KCTD4: variants seen among roughly 807,000 people sequenced by gnomAD.
The protein encoded by KCTD4 is potassium channel tetramerization domain containing 4.
KCTD4 carries 12 observed loss-of-function variants against 18.3 expected under a neutral mutation model. That is an observed-to-expected ratio of 0.66 (90% CI 0.42 to 1.06). The LOEUF is 1.06. Among genes scored for constraint, KCTD4 ranks in the 50% least tolerant of loss-of-function variants. The probability of loss-of-function intolerance (pLI) is 0.00; values close to 1 mark genes in which losing one functional copy is unlikely to be tolerated. For synonymous variants in KCTD4, 124 were observed against 110.5 expected (o/e 1.12, Z -0.76); for missense variants, 250 against 303.4 (o/e 0.82, Z 1.31).
At chr13:45,197,959 A>G (rs1872983255) in intron 1 of KCTD4, among the ~76,000 whole-genome samples, 1 of 152,244 alleles carries the variant, frequency 6.6e-6, no homozygotes, top group African/African-American at 2.4e-5. Flanking sequence ...TGAAGATTTT[A>G]TCTGCCTTTG....
chr13:45,194,307 C>A lies in KCTD4; in HGVS notation c.261G>T (p.Arg87Ser). The A allele has an allele frequency of 6.2e-7, 1 of 1,614,152 alleles. No individual in the cohort carries two copies. The highest frequency in any genetic ancestry group is 8.5e-7 in the Non-Finnish European group (1 of 1,180,014). ...CATTTCGTAGGAAGTTTAGGACATGCCTGAAGAGGAGACCATCCCTGTCTA... is the reference window on the plus strand; with the variant it reads ...CATTTCGTAGGAAGTTTAGGACATGACTGAAGAGGAGACCATCCCTGTCTA... ...YFIDRDGLLF[R>S]HVLNFLRNGE... Residue 87 changes from arginine to serine, a missense_variant, in exon 2 of 2, where the codon AGG (arginine) becomes AGT (serine). By Grantham distance (110) the Arg-to-Ser change is moderately radical. Coordinates refer to ENST00000379108, the MANE Select transcript of KCTD4 (RefSeq NM_198404.3).
At chr13:45,197,608 TAGG>T (rs1872968186) in intron 1 of KCTD4, among the ~76,000 whole-genome samples, 1 of 152,056 alleles carries the variant, frequency 6.6e-6, no homozygotes, top group Non-Finnish European at 1.5e-5. Context: ...ATGGAAATTA[TAGG>T]AGTTCATTGA....
In KCTD4 at chr13:45,194,107, C is replaced by T; in HGVS notation, c.461G>A (p.Gly154Glu). 6.2e-7 allele frequency: 1 copy of T among 1,614,048 alleles called. No individual in the cohort carries two copies. The highest frequency in any genetic ancestry group is 8.5e-7 in the Non-Finnish European group (1 of 1,179,964). ...EITDNHDRSQ[G>E]LRIFCNAPDF... ...AGGAGCATTACAGAAGATTCTTAAT[C>T]CTTGTGAACGATCGTGGTTATCTGT... The change falls in exon 2 of 2, where the codon GGA becomes GAA. Residue 154 changes from glycine (G) to glutamate (E), a missense_variant. Transcript: ENST00000379108.
intron 1 of KCTD4, among the ~76,000 whole-genome samples, chr13:45,199,749 T>C (rs963475700): frequency 1.3e-5 from 2 of 152,226 alleles, no homozygotes; most frequent in African/African-American, 4.8e-5. Context: ...GGCATAACTT[T>C]GAAAACTCTT....
Position 45,193,740 on chromosome 13 carries a change from G to A in KCTD4, c.*48C>T, listed in dbSNP as rs747563889. ...GATGTCTTTGATGCTGTGGTTTTCC[G>A]AAGCTTGCTGGCTGCATGCTTGTTG... is the stretch of plus-strand genomic sequence containing the variant. On this transcript the variant is annotated 3_prime_UTR_variant, in exon 2 of 2. Coordinates refer to ENST00000379108, the MANE Select transcript of KCTD4 (RefSeq NM_198404.3). 9 of 1,520,898 alleles carry A rather than the reference G, an allele frequency of 5.9e-6. No homozygotes were observed. The highest frequency in any genetic ancestry group is 2.3e-5 in the East Asian group (1 of 44,274). The allele number at this position is 1,520,898 out of a possible 1,614,324, so 94.2% of individuals were successfully genotyped here.
In KCTD4 at chr13:45,194,271, T is replaced by C; in HGVS notation, c.297A>G (p.Leu99=). ...GATTTTCTCGAAACCCTTCGGGCAA[T>C]AGAAGTTCTCCATTTCGTAGGAAGT... ...VLNFLRNGEL[L]LPEGFRENQL... Residue 99 remains leucine, a synonymous_variant, in exon 2 of 2, where the codon CTA becomes CTG. Transcript: ENST00000379108. The C allele has an allele frequency of 6.2e-7, 1 of 1,614,178 alleles. No homozygotes were observed. Among genetic ancestry groups the C allele is most frequent in the Non-Finnish European group, 8.5e-7 (1 of 1,180,014 alleles).
At chr13:45,195,795 T>C (rs543123065) in intron 1 of KCTD4, among the ~76,000 whole-genome samples, 1 of 152,324 alleles carries the variant, frequency 6.6e-6, no homozygotes, top group South Asian at 2.1e-4. Flanking sequence ...TCTGGGAAAC[T>C]ACATTGTTTT....
In KCTD4 at chr13:45,194,642, C is replaced by A; in HGVS notation, c.-75G>T. 1 of 1,309,392 alleles carries A rather than the reference C, an allele frequency of 7.6e-7. No homozygotes were observed. The highest frequency in any genetic ancestry group is 1.1e-6 in the Non-Finnish European group (1 of 937,422). The allele number at this position is 1,309,392 out of a possible 1,614,324, so 81.1% of individuals were successfully genotyped here. ...AAAAAGAGACACTACCACACAAGCACGCCTTTATTCAGCCCCAGCCTGGTG... is the reference window on the plus strand; with the variant it reads ...AAAAAGAGACACTACCACACAAGCAAGCCTTTATTCAGCCCCAGCCTGGTG... On this transcript the variant is annotated 5_prime_UTR_variant, in exon 2 of 2. Transcript: ENST00000379108.
rs1236699840 is a variant in KCTD4, at chr13:45,193,792, T to A, written c.776A>T (p.Lys259Met). The change falls in exon 2 of 2, where the codon AAG becomes ATG. Residue 259 changes from lysine to methionine, a missense_variant. Transcript: ENST00000379108. ...CTTTGTTCGTGACACAGGTAATTAC[T>A]TGATAAAATGAAGTGCATCGCTGTG... ...IVHSDALHFIK is the reference protein window; with the variant it reads ...IVHSDALHFIM The A allele has an allele frequency of 1.3e-6, 2 of 1,578,098 alleles. No homozygotes were observed. Among genetic ancestry groups the A allele is most frequent in the Non-Finnish European group, 1.7e-6 (2 of 1,164,578 alleles).
At chr13:45,195,381 C>G (rs1418251998) in intron 1 of KCTD4, among the ~76,000 whole-genome samples, 1 of 151,920 alleles carries the variant, frequency 6.6e-6, no homozygotes, top group Admixed American at 6.6e-5. Flanking sequence ...TCACTCGGAG[C>G]CTGCTTCTGT....
intron 1 of KCTD4, among the ~76,000 whole-genome samples, chr13:45,197,676 G>A (rs563714902): frequency 2.6e-5 from 4 of 152,228 alleles, no homozygotes; most frequent in African/African-American, 7.2e-5. Flanking sequence ...AGATTATCTC[G>A]TTTTAGTCTA....
At chr13:45,197,686 A>G (rs1872971022) in intron 1 of KCTD4, among the ~76,000 whole-genome samples, 1 of 152,122 alleles carries the variant, frequency 6.6e-6, no homozygotes, top group Non-Finnish European at 1.5e-5. Context: ...GTTTTAGTCT[A>G]TTCTAAATTT....
chr13:45,194,242 A>G lies in KCTD4; in HGVS notation c.326T>C (p.Leu109Pro). 1 of 1,614,142 alleles carries G rather than the reference A, an allele frequency of 6.2e-7. No homozygotes were observed. Among genetic ancestry groups the G allele is most frequent in the Non-Finnish European group, 8.5e-7 (1 of 1,180,020 alleles). ...LLPEGFRENQ[L>P]LAQEAEFFQL... ...AAAGAATTCTGCTTCTTGTGCAAGA[A>G]GTTGATTTTCTCGAAACCCTTCGGG... Residue 109 changes from leucine to proline, a missense_variant, in exon 2 of 2, where the codon CTT becomes CCT. By Grantham distance (98) the Leu-to-Pro change is moderately conservative. Coordinates refer to ENST00000379108, the MANE Select transcript of KCTD4 (RefSeq NM_198404.3).
chr13:45,198,289 T>G (rs193112694), intron 1 of KCTD4, among the ~76,000 whole-genome samples: 1 of 152,364 alleles, frequency 6.6e-6, no homozygotes, highest in African/African-American at 2.4e-5. Flanking sequence ...ATCCCGTGAT[T>G]GATGCAGGAC....
In KCTD4 at chr13:45,194,728, G is replaced by A. The variant is rs893452434; in HGVS notation, c.-161C>T. Reference sequence around the variant, plus strand: ...TCAGCTCGGTTTTGCAGTAGGTGGCGTATCAGCCTATGTATGCAGGAGCTT... The same window carrying A: ...TCAGCTCGGTTTTGCAGTAGGTGGCATATCAGCCTATGTATGCAGGAGCTT... On this transcript the variant is annotated 5_prime_UTR_variant, in exon 2 of 2. In the 5' UTR this introduces an upstream ATG that the reference lacks. Coordinates refer to ENST00000379108, the MANE Select transcript of KCTD4 (RefSeq NM_198404.3). 7 of 648,330 alleles carry A rather than the reference G, an allele frequency of 1.1e-5. No individual in the cohort carries two copies. The highest frequency in any genetic ancestry group is 3.7e-5 in the African/African-American group (2 of 54,536). The allele number at this position is 648,330 out of a possible 1,614,324, so 40.2% of individuals were successfully genotyped here.
chr13:45,194,611 T>C lies in KCTD4; in HGVS notation c.-44A>G. 1.3e-6 allele frequency: 2 copies of C among 1,551,334 alleles called. No individual in the cohort carries two copies. Among genetic ancestry groups the C allele is most frequent in the African/African-American group, 1.4e-5 (1 of 72,702 alleles). On this transcript the variant is annotated 5_prime_UTR_variant, in exon 2 of 2. Transcript: ENST00000379108. ...CAGCTTGTTCTTCTTGGCTTTGAGA[T>C]TTTTTAAAAAGAGACACTACCACAC...
chr13:45,199,729 C>G (rs940893360), intron 1 of KCTD4, among the ~76,000 whole-genome samples: 4 of 152,152 alleles, frequency 2.6e-5, no homozygotes, highest in African/African-American at 9.7e-5. Context: ...TCTACAATCT[C>G]AAAATGAAGG....
chr13:45,194,825 C>T, intron 1 of KCTD4, 71 bp from the exon 2 acceptor site: 1 of 470,588 alleles, frequency 2.1e-6, no homozygotes, highest in Non-Finnish European at 3.7e-6. Flanking sequence ...AAAGGATTTT[C>T]ATGTCTATCC....
In KCTD4 at chr13:45,193,912, G is replaced by C. The variant is rs1434138357; in HGVS notation, c.656C>G (p.Thr219Ser). 1 of 1,613,962 alleles carries C rather than the reference G, an allele frequency of 6.2e-7. No individual in the cohort carries two copies. Among genetic ancestry groups the C allele is most frequent in the Non-Finnish European group, 8.5e-7 (1 of 1,179,990 alleles). The change falls in exon 2 of 2, where the codon ACC becomes AGC. Residue 219 changes from threonine (T) to serine (S), a missense_variant. Coordinates refer to ENST00000379108, the MANE Select transcript of KCTD4 (RefSeq NM_198404.3). ...VLKEDNTFVC[T>S]LETLKFEAIM... ...AGCCTCAAACTTAAGAGTTTCCAAG[G>C]TACAGACAAAGGTGTTGTCTTCCTT...
Sources: gnomAD v4.1 joint callset for allele counts (sites outside exome capture counted in the v4.1 genomes callset) on GRCh38, gnomAD v4.1.1 for gene constraint, MANE v1.5 for transcripts, NCBI Gene and HGNC (gene_info 2026-07-23, HGNC 2026-07-21) for gene names.